Variants in ACVR1 observed in about 807,000 individuals in gnomAD.
The protein encoded by ACVR1 is activin A receptor type 1, also known as activin receptor type-1.
ACVR1 carries 38 observed loss-of-function variants against 57.1 expected under a neutral mutation model. The observed-to-expected ratio is 0.67, with a 90% CI of 0.51 to 0.87. The LOEUF is 0.87. Ranked by LOEUF, ACVR1 falls within the 40% of genes least tolerant of loss-of-function variation. ACVR1 has a pLI of 0.00. For synonymous variants in ACVR1, 212 were observed against 228.1 expected, an observed-to-expected ratio of 0.93 and a Z score of 0.63; for missense variants, 463 against 638.2, an observed-to-expected ratio of 0.73 and a Z score of 2.96.
At chr2:157,783,152 T>C (rs575161740) in intron 3 of ACVR1, among the ~76,000 whole-genome samples, 1 of 152,320 alleles carries the variant, frequency 6.6e-6, no homozygotes, top group East Asian at 1.9e-4. Flanking sequence ...AGGACACCCA[T>C]GCTTGTAATT....
chr2:157,859,494 T>C (rs1386195011), intron 1 of ACVR1, among the ~76,000 whole-genome samples: 1 of 152,220 alleles, frequency 6.6e-6, no homozygotes, highest in African/African-American at 2.4e-5. Flanking sequence ...CACTTTACTC[T>C]ATGGACTCGC....
chr2:157,787,108 A>G (rs1263844898), intron 3 of ACVR1, among the ~76,000 whole-genome samples: 1 of 152,148 alleles, frequency 6.6e-6, no homozygotes, highest in Non-Finnish European at 1.5e-5. Flanking sequence ...CTGTAAATTA[A>G]GCCTATTGCA....
At chr2:157,844,365 T>C (rs2105358192) in intron 1 of ACVR1, among the ~76,000 whole-genome samples, 1 of 152,178 alleles carries the variant, frequency 6.6e-6, no homozygotes, top group Admixed American at 6.5e-5. Context: ...CCCACTGGGT[T>C]TGCTCTTCCC....
At chr2:157,870,551 G>C (rs1690083641) in intron 1 of ACVR1, among the ~76,000 whole-genome samples, 1 of 152,112 alleles carries the variant, frequency 6.6e-6, no homozygotes. Context: ...CATAAGCATG[G>C]CCCACCACTA....
chr2:157,768,365 T>C (rs1382028361), intron 7 of ACVR1, among the ~76,000 whole-genome samples: 1 of 152,196 alleles, frequency 6.6e-6, no homozygotes, highest in Non-Finnish European at 1.5e-5. Context: ...TAATCTTTAA[T>C]GATTTTCTTA....
chr2:157,816,667 G>C (rs1687950218), intron 2 of ACVR1, among the ~76,000 whole-genome samples: 1 of 152,008 alleles, frequency 6.6e-6, no homozygotes, highest in Admixed American at 6.6e-5. Context: ...CCTTTAAAAA[G>C]AATGCACCTA....
chr2:157,764,189 T>C (rs1198859812), intron 8 of ACVR1, among the ~76,000 whole-genome samples: 2 of 151,818 alleles, frequency 1.3e-5, no homozygotes, highest in East Asian at 3.9e-4. Flanking sequence ...ACACTATATA[T>C]ATATTTTTTT....
intron 1 of ACVR1, among the ~76,000 whole-genome samples, chr2:157,872,154 C>G (rs192120675): frequency 3.3e-5 from 5 of 152,284 alleles, no homozygotes; most frequent in Admixed American, 3.3e-4. Context: ...CCAGGAAACC[C>G]AATTCCAAAT....
chr2:157,778,382 C>T, intron 4 of ACVR1, 40 bp from the exon 5 acceptor site: 1 of 1,505,658 alleles, frequency 6.6e-7, no homozygotes, highest in Middle Eastern at 1.7e-4. Context: ...TTGTAAGGAT[C>T]ACTGCTTACT....
chr2:157,741,237 A>G (rs572575133), intron 9 of ACVR1, among the ~76,000 whole-genome samples: 3 of 152,304 alleles, frequency 2.0e-5, no homozygotes, highest in East Asian at 1.9e-4. Flanking sequence ...AGGCAAAACT[A>G]TATTAGAAAT....
chr2:157,739,469 T>C (rs1360426359), intron 9 of ACVR1, among the ~76,000 whole-genome samples: 1 of 152,224 alleles, frequency 6.6e-6, no homozygotes, highest in Non-Finnish European at 1.5e-5. Flanking sequence ...AAATGGATTC[T>C]TCCCCTTCAT....
chr2:157,804,981 TA>T (rs1405331808), intron 2 of ACVR1, among the ~76,000 whole-genome samples: 1 of 152,218 alleles, frequency 6.6e-6, no homozygotes, highest in African/African-American at 2.4e-5. Flanking sequence ...TACAGCTAGA[TA>T]AAGCCACAGA....
At chr2:157,842,108 T>G (rs1371834675) in intron 1 of ACVR1, among the ~76,000 whole-genome samples, 1 of 151,754 alleles carries the variant, frequency 6.6e-6, no homozygotes, top group African/African-American at 2.4e-5. Context: ...GGAGTCATTC[T>G]AGGGAAACAT....
At chr2:157,826,036 G>T (rs1160048007) in intron 1 of ACVR1, among the ~76,000 whole-genome samples, 1 of 152,194 alleles carries the variant, frequency 6.6e-6, no homozygotes, top group African/African-American at 2.4e-5. Context: ...TTGCCTGGCA[G>T]GAATGTGGTA....
intron 9 of ACVR1, among the ~76,000 whole-genome samples, chr2:157,741,918 A>G (rs1249857944): frequency 6.6e-6 from 1 of 152,136 alleles, no homozygotes; most frequent in Non-Finnish European, 1.5e-5. Context: ...CAAGGCAGAA[A>G]AGATGACAGG....
chr2:157,754,375 AAAG>A (rs1236985440), intron 9 of ACVR1, among the ~76,000 whole-genome samples: 1 of 152,212 alleles, frequency 6.6e-6, no homozygotes, highest in East Asian at 1.9e-4. Flanking sequence ...TTAACCAAGA[AAAG>A]AAGAGAGAAG....
At chr2:157,761,767 T>C (rs1228485018) in intron 8 of ACVR1, among the ~76,000 whole-genome samples, 1 of 152,216 alleles carries the variant, frequency 6.6e-6, no homozygotes, top group East Asian at 1.9e-4. Context: ...CTTTCTTCAC[T>C]GGCCAGTGGG....
At chr2:157,784,604 CAG>C (rs1686645152) in intron 3 of ACVR1, among the ~76,000 whole-genome samples, 1 of 152,244 alleles carries the variant, frequency 6.6e-6, no homozygotes, top group South Asian at 2.1e-4. Context: ...TCACCAGAGC[CAG>C]AGCCGTGTGA....
chr2:157,817,716 T>C (rs1687990835), intron 2 of ACVR1, among the ~76,000 whole-genome samples: 2 of 152,076 alleles, frequency 1.3e-5, no homozygotes, highest in African/African-American at 4.8e-5. Flanking sequence ...AAGAAAAAAT[T>C]AGGGCCGGGC....
Sources: gnomAD v4.1 joint callset for allele counts (sites outside exome capture counted in the v4.1 genomes callset) on GRCh38, gnomAD v4.1.1 for gene constraint, MANE v1.5 for transcripts, NCBI Gene and HGNC (gene_info 2026-07-23, HGNC 2026-07-21) for gene names.